DIAPH2: variants seen among roughly 807,000 people sequenced by gnomAD.
DIAPH2 encodes the protein protein diaphanous homolog 2.
DIAPH2 carries 35 observed loss-of-function variants against 92.7 expected under a neutral mutation model. The ratio of observed to expected loss-of-function variants is 0.38; its 90% confidence interval spans 0.29 to 0.50. The LOEUF is 0.50. Among genes scored for constraint, DIAPH2 ranks in the 20% least tolerant of loss-of-function variants. The probability of loss-of-function intolerance (pLI) is 0.94; values close to 1 mark genes in which losing one functional copy is unlikely to be tolerated. For missense variants in DIAPH2, 701 were observed against 819.5 expected, an observed-to-expected ratio of 0.86 and a Z score of 1.77; for synonymous variants, 301 against 280.4, an observed-to-expected ratio of 1.07 and a Z score of -0.73.
chrX:96,980,998 CAAAAAAAAAA>C (rs1204120424), intron 17 of DIAPH2, among the ~76,000 whole-genome samples: 6 of 45,530 alleles, frequency 1.3e-4, no homozygotes, highest in African/African-American at 5.6e-4. Context: ...CCATCTCTAC[CAAAAAAAAAA>C]AAAAAAAAAA....
At chrX:97,190,833 CAAAAAAAAAA>C (rs34703572) in intron 22 of DIAPH2, among the ~76,000 whole-genome samples, 1 of 72,852 alleles carries the variant, frequency 1.4e-5, no homozygotes, top group Non-Finnish European at 2.5e-5. Context: ...GACTCCATTT[CAAAAAAAAAA>C]AAAAAAAAAA....
At chrX:97,561,890 T>C (rs747913865) in intron 26 of DIAPH2, among the ~76,000 whole-genome samples, 2 of 112,463 alleles carry the variant, frequency 1.8e-5, no homozygotes, top group South Asian at 7.5e-4. Flanking sequence ...TAAGATGGCA[T>C]TGGAAACATT....
chrX:97,486,013 C>T (rs1461659695), intron 26 of DIAPH2, among the ~76,000 whole-genome samples: 1 of 81,416 alleles, frequency 1.2e-5, no homozygotes, highest in Non-Finnish European at 2.4e-5. Context: ...CTGTGTGTAC[C>T]GAAAATAAAA....
intron 26 of DIAPH2, among the ~76,000 whole-genome samples, chrX:97,533,878 C>T (rs982840159): frequency 1.1e-4 from 12 of 111,207 alleles, no homozygotes; most frequent in African/African-American, 3.3e-4. Flanking sequence ...TGAAGAATAC[C>T]GTTGATTTCC....
intron 4 of DIAPH2, among the ~76,000 whole-genome samples, chrX:96,795,828 A>G (rs1302451943): frequency 2.7e-5 from 3 of 112,035 alleles, no homozygotes; most frequent in Non-Finnish European, 5.6e-5. Flanking sequence ...TTATCTTTAT[A>G]TTAAAGTGAG....
chrX:96,753,489 ATAAGT>A (rs2064206298), intron 3 of DIAPH2, among the ~76,000 whole-genome samples: 1 of 111,871 alleles, frequency 8.9e-6, no homozygotes, highest in East Asian at 2.8e-4. Flanking sequence ...TTACATGAAG[ATAAGT>A]TGAGTACTTT....
At chrX:97,346,133 T>C (rs1371124517) in intron 23 of DIAPH2, among the ~76,000 whole-genome samples, 1 of 111,422 alleles carries the variant, frequency 9.0e-6, no homozygotes, top group Non-Finnish European at 1.9e-5. Context: ...GATAATAGCT[T>C]CTACTTAATT....
intron 4 of DIAPH2, among the ~76,000 whole-genome samples, chrX:96,812,086 G>T (rs1012679915): frequency 1.9e-4 from 21 of 111,894 alleles, no homozygotes; most frequent in Non-Finnish European, 3.4e-4. Context: ...AATAGTTTCA[G>T]AAGGAATGGT....
intron 23 of DIAPH2, among the ~76,000 whole-genome samples, chrX:97,250,192 G>C (rs1347803872): frequency 9.0e-6 from 1 of 111,484 alleles, no homozygotes; most frequent in African/African-American, 3.3e-5. Flanking sequence ...TTTCCATCCA[G>C]TGCCAATAAA....
intron 26 of DIAPH2, among the ~76,000 whole-genome samples, chrX:97,471,110 T>C (rs189468012): frequency 8.1e-4 from 90 of 111,721 alleles, no homozygotes; most frequent in African/African-American, 2.6e-3. Flanking sequence ...CCCTGGCTTT[T>C]GAGGAGAGGT....
intron 22 of DIAPH2, among the ~76,000 whole-genome samples, chrX:97,206,724 G>T (rs778976792): frequency 3.9e-4 from 43 of 111,267 alleles, no homozygotes; most frequent in Non-Finnish European, 7.0e-4. Flanking sequence ...TATGCTAAAA[G>T]AAATTTTTTT....
intron 22 of DIAPH2, among the ~76,000 whole-genome samples, chrX:97,154,715 G>C (rs2067309887): frequency 9.0e-6 from 1 of 111,694 alleles, no homozygotes; most frequent in Non-Finnish European, 1.9e-5. Context: ...ATTCGTATGA[G>C]GAACTGCGGC....
intron 17 of DIAPH2, among the ~76,000 whole-genome samples, chrX:97,035,532 C>A (rs548847777): frequency 9.0e-6 from 1 of 111,471 alleles, no homozygotes; most frequent in Non-Finnish European, 1.9e-5. Context: ...AGACTTCAAT[C>A]TCTTGAATTA....
At chrX:97,415,099 A>C (rs747154152) in intron 25 of DIAPH2, among the ~76,000 whole-genome samples, 1 of 112,546 alleles carries the variant, frequency 8.9e-6, no homozygotes, top group South Asian at 3.7e-4. Context: ...GACACATGAA[A>C]AAATGCTCAT....
intron 24 of DIAPH2, among the ~76,000 whole-genome samples, chrX:97,360,041 A>AT (rs1473745154): frequency 8.9e-6 from 1 of 111,899 alleles, no homozygotes; most frequent in African/African-American, 3.2e-5. Context: ...CTAATCATCC[A>AT]TTCAAATCTT....
At position 97,055,499 on chromosome X, in the gene DIAPH2, A is replaced by G. The variant is rs1382050264; in HGVS notation, c.2051-17442A>G. ...TTCTCAGGTAACTGAGAATGAGTTCATGTTGGAGCATATTTATTTGGAGGT... is the reference window on the plus strand; with the variant it reads ...TTCTCAGGTAACTGAGAATGAGTTCGTGTTGGAGCATATTTATTTGGAGGT... On this transcript the variant is annotated intron_variant, in intron 17 of 26. Coordinates refer to ENST00000324765, the MANE Select transcript of DIAPH2 (RefSeq NM_006729.5). Among the ~76,000 whole-genome samples, 4 of 111,410 alleles carry G rather than the reference A, an allele frequency of 3.6e-5. No homozygotes were observed. The East Asian group carries it at 1.1e-3, about 32-fold the overall frequency.
At chrX:97,460,929 T>C (rs2070453111) in intron 26 of DIAPH2, among the ~76,000 whole-genome samples, 1 of 112,389 alleles carries the variant, frequency 8.9e-6, no homozygotes, top group African/African-American at 3.2e-5. Context: ...TGACCTCGAA[T>C]AGTTCGCTTG....
intron 23 of DIAPH2, among the ~76,000 whole-genome samples, chrX:97,280,243 G>C (rs934690024): frequency 9.0e-6 from 1 of 110,525 alleles, no homozygotes; most frequent in African/African-American, 3.3e-5. Flanking sequence ...GGGAGGCCGA[G>C]GTGGGTGGAT....
At chrX:97,508,369 G>T (rs1157929173) in intron 26 of DIAPH2, among the ~76,000 whole-genome samples, 1 of 111,970 alleles carries the variant, frequency 8.9e-6, no homozygotes, top group Non-Finnish European at 1.9e-5. Flanking sequence ...TTAAAATGCA[G>T]TAATGGAGAA....
Sources: allele counts gnomAD v4.1 joint callset (sites outside exome capture counted in the v4.1 genomes callset), GRCh38; gene constraint gnomAD v4.1.1; transcripts MANE v1.5; gene names NCBI Gene and HGNC (gene_info 2026-07-23, HGNC 2026-07-21).